Variants in ZNF43 observed in about 807,000 individuals in gnomAD.
The protein encoded by ZNF43 is zinc finger protein 43.
In ZNF43, 44 loss-of-function variants were observed where a neutral mutation model predicts 68.4. The observed-to-expected ratio is 0.64, with a 90% CI of 0.51 to 0.83. The LOEUF (loss-of-function observed/expected upper bound fraction) is 0.83. Among genes scored for constraint, ZNF43 ranks in the 40% least tolerant of loss-of-function variants. ZNF43 has a pLI of 0.00. For synonymous variants in ZNF43, 308 were observed against 307.8 expected (o/e 1.00, Z -0.01); for missense variants, 896 against 933.2 (o/e 0.96, Z 0.52).
intron 3 of ZNF43, among the ~76,000 whole-genome samples, chr19:21,816,262 C>T (rs1207856489): frequency 6.6e-6 from 1 of 152,152 alleles, no homozygotes; most frequent in Middle Eastern, 3.4e-3. Context: ...CTACACGGTA[C>T]ATTGAGGTAG....
intron 1 of ZNF43, among the ~76,000 whole-genome samples, chr19:21,850,222 T>C (rs1968251475): frequency 6.6e-6 from 1 of 152,150 alleles, no homozygotes; most frequent in African/African-American, 2.4e-5. Flanking sequence ...AGAGTCACTC[T>C]CCTAGGTGAT....
intron 1 of ZNF43, among the ~76,000 whole-genome samples, chr19:21,849,556 T>G (rs1203819150): frequency 8.0e-6 from 1 of 125,746 alleles, no homozygotes; most frequent in Non-Finnish European, 1.7e-5. Context: ...ATGCCTGTAA[T>G]CCCAACACCT....
intron 2 of ZNF43, among the ~76,000 whole-genome samples, chr19:21,818,484 G>A (rs765761204): frequency 2.0e-5 from 3 of 152,104 alleles, no homozygotes; most frequent in Non-Finnish European, 4.4e-5. Flanking sequence ...GCAGTGGCAC[G>A]ATCTCGGCTC....
intron 1 of ZNF43, among the ~76,000 whole-genome samples, chr19:21,851,607 C>A (rs988026935): frequency 6.6e-6 from 1 of 151,906 alleles, no homozygotes; most frequent in Non-Finnish European, 1.5e-5. Flanking sequence ...GCTCCTCCTG[C>A]GCACACACCG....
chr19:21,824,571 G>A (rs145622993), intron 1 of ZNF43, among the ~76,000 whole-genome samples: 1 of 151,974 alleles, frequency 6.6e-6, no homozygotes, highest in African/African-American at 2.4e-5. Flanking sequence ...CCAAAACCTG[G>A]CCCTGTCTTG....
chr19:21,821,179 C>G (rs1261119416), intron 1 of ZNF43, among the ~76,000 whole-genome samples: 1 of 143,340 alleles, frequency 7.0e-6, no homozygotes, highest in Non-Finnish European at 1.5e-5. Flanking sequence ...GAGTCTCGCT[C>G]AGTCGCCCAG....
rs768759988 is a variant in ZNF43, at chr19:21,808,864, A to G, written c.1173T>C (p.Ile391=). ...ATTTGTAGGGTTTCTTTTCAGTATG[A>G]ATTTTCTTATGTTTAGTAAGGTTTG... ...RSSNLTKHKK[I]HTEKKPYKCE... is the part of the protein sequence containing the mutation. The change falls in exon 4 of 4, where the codon ATT becomes ATC. Residue 391 remains isoleucine (I), a synonymous_variant. Transcript: ENST00000354959. 3.1e-6 allele frequency: 5 copies of G among 1,613,610 alleles called. No individual in the cohort carries two copies. In the East Asian group the frequency reaches 1.1e-4, roughly 36 times the overall value.
At chr19:21,835,785 G>C (rs2038690975) in intron 1 of ZNF43, among the ~76,000 whole-genome samples, 1 of 152,248 alleles carries the variant, frequency 6.6e-6, no homozygotes, top group Non-Finnish European at 1.5e-5. Context: ...TGCACAATTT[G>C]GGAGAGACGC....
intron 1 of ZNF43, among the ~76,000 whole-genome samples, chr19:21,832,544 C>A (rs751494761): frequency 9.2e-5 from 14 of 152,142 alleles, no homozygotes; most frequent in Non-Finnish European, 1.6e-4. Context: ...CCTAATTAAA[C>A]TACAGAGCTT....
At chr19:21,833,017 CAA>C (rs2038497854) in intron 1 of ZNF43, among the ~76,000 whole-genome samples, 1 of 152,180 alleles carries the variant, frequency 6.6e-6, no homozygotes, top group South Asian at 2.1e-4. Context: ...ATTTACCCTG[CAA>C]AGAGAGTAAC....
chr19:21,835,410 T>C lies in ZNF43; in HGVS notation c.3+626A>G, dbSNP rs1338235475. Reference sequence around the variant, plus strand: ...TTTCACTCTGTGGCCCAGGCTGGAGTGCAATGGCGCGATCTCGGCTCACTG... The same window carrying C: ...TTTCACTCTGTGGCCCAGGCTGGAGCGCAATGGCGCGATCTCGGCTCACTG... On this transcript the variant is annotated intron_variant, in intron 1 of 3. Transcript: ENST00000354959. Among the ~76,000 whole-genome samples the C allele has an allele frequency of 2.2e-5, 3 of 133,726 alleles. 1 individual carries two copies. Among genetic ancestry groups the C allele is most frequent in the Non-Finnish European group, 4.7e-5 (3 of 64,234 alleles). The allele number at this position is 133,726 out of a possible 152,430, so 87.7% of individuals were successfully genotyped here. A position where few individuals can be genotyped will look rare whatever the true frequency, so the allele number is the denominator to read the frequency against.
At chr19:21,846,663 C>G (rs993952077) in intron 1 of ZNF43, among the ~76,000 whole-genome samples, 3 of 152,066 alleles carry the variant, frequency 2.0e-5, no homozygotes, top group African/African-American at 7.2e-5. Context: ...ACCAATATTT[C>G]ACAATCTTCC....
chr19:21,830,632 T>TA (rs2038382715), intron 1 of ZNF43, among the ~76,000 whole-genome samples: 2 of 114,352 alleles, frequency 1.7e-5, no homozygotes, highest in Non-Finnish European at 3.7e-5. Flanking sequence ...TAGAAACCAA[T>TA]AAAAAACCAG....
chr19:21,810,048 G>C (rs1007258928), intron 3 of ZNF43, among the ~76,000 whole-genome samples: 8 of 152,090 alleles, frequency 5.3e-5, no homozygotes, highest in Admixed American at 5.2e-4. Context: ...CACATAGAAG[G>C]AAAATATAAA....
chr19:21,837,239 A>G (rs1967169844), upstream of ZNF43, among the ~76,000 whole-genome samples: 2 of 152,172 alleles, frequency 1.3e-5, no homozygotes, highest in African/African-American at 4.8e-5. Context: ...GGGCAAACTC[A>G]GCAAAAGACA....
intron 3 of ZNF43, 131 bp from the exon 4 acceptor site, chr19:21,809,938 T>C: frequency 2.3e-6 from 2 of 864,726 alleles, no homozygotes; most frequent in Non-Finnish European, 1.7e-6. Flanking sequence ...CCCTAATTTA[T>C]TTATAGACAT....
Position 21,808,154 on chromosome 19 carries a change from C to A in ZNF43, c.1883G>T (p.Gly628Val), listed in dbSNP as rs2145146815. The change falls in exon 4 of 4, where the codon GGC becomes GTC. Residue 628 changes from glycine to valine, a missense_variant. By Grantham distance (109) the Gly-to-Val change is moderately radical. Transcript: ENST00000354959. ...GGKPYKCEEC[G>V]KAFNQFSTLT... Reference sequence around the variant, plus strand: ...AGTTGAGAACTGGTTAAAAGCTTTGCCACATTCTTCACATTTGTAGGGTTT... The same window carrying A: ...AGTTGAGAACTGGTTAAAAGCTTTGACACATTCTTCACATTTGTAGGGTTT... 1.2e-6 allele frequency: 2 copies of A among 1,613,058 alleles called. No homozygotes were observed. Among genetic ancestry groups the A allele is most frequent in the Non-Finnish European group, 1.7e-6 (2 of 1,179,708 alleles).
chr19:21,838,346 C>T (rs1016898253), upstream of ZNF43, among the ~76,000 whole-genome samples: 2 of 151,884 alleles, frequency 1.3e-5, no homozygotes, highest in Admixed American at 1.3e-4. Context: ...ATAAAAAAAA[C>T]TCATAAACAC....
At chr19:21,848,794 T>C (rs1968136352) in intron 1 of ZNF43, among the ~76,000 whole-genome samples, 1 of 152,210 alleles carries the variant, frequency 6.6e-6, no homozygotes, top group African/African-American at 2.4e-5. Flanking sequence ...CTAAGTACGC[T>C]AGTGACAATT....
Sources: allele counts gnomAD v4.1 joint callset (sites outside exome capture counted in the v4.1 genomes callset), GRCh38; gene constraint gnomAD v4.1.1; transcripts MANE v1.5; gene names NCBI Gene and HGNC (gene_info 2026-07-23, HGNC 2026-07-21).